XYLT1: variants seen among roughly 807,000 people sequenced by gnomAD.
The protein encoded by XYLT1 is beta-D-xylosyltransferase 1.
In XYLT1, 36 loss-of-function variants were observed where a neutral mutation model predicts 91.3. That is an observed-to-expected ratio of 0.39 (90% CI 0.30 to 0.52). The LOEUF (loss-of-function observed/expected upper bound fraction) is 0.52, where lower values mean the gene tolerates loss of function less well. Among genes scored for constraint, XYLT1 ranks in the 20% least tolerant of loss-of-function variants. The pLI, the probability that XYLT1 is intolerant of heterozygous loss-of-function variation, is 0.68. For synonymous variants in XYLT1, 588 were observed against 532.0 expected, an observed-to-expected ratio of 1.11 and a Z score of -1.45; for missense variants, 1,242 against 1,284.5, an observed-to-expected ratio of 0.97 and a Z score of 0.51.
intron 1 of XYLT1, among the ~76,000 whole-genome samples, chr16:17,380,364 C>T (rs545469606): frequency 6.6e-6 from 1 of 152,126 alleles, no homozygotes; most frequent in African/African-American, 2.4e-5. Flanking sequence ...GCAGACGAAG[C>T]AGTTGACTCT....
chr16:17,253,822 T>C (rs899006574), intron 3 of XYLT1, among the ~76,000 whole-genome samples: 5 of 100,664 alleles, frequency 5.0e-5, no homozygotes. Context: ...CCCTTGCAAC[T>C]TGAGAGAGAG....
chr16:17,186,816 C>A (rs555498028), intron 5 of XYLT1, among the ~76,000 whole-genome samples: 2 of 152,220 alleles, frequency 1.3e-5, no homozygotes, highest in East Asian at 1.9e-4. Flanking sequence ...TCCTGGGAGA[C>A]CTTGGAGTCC....
chr16:17,254,497 C>T (rs1483078968), intron 3 of XYLT1, among the ~76,000 whole-genome samples: 1 of 152,152 alleles, frequency 6.6e-6, no homozygotes, highest in Non-Finnish European at 1.5e-5. Context: ...CAAGCTTAAG[C>T]GATTCTCCTG....
intron 6 of XYLT1, among the ~76,000 whole-genome samples, chr16:17,157,972 C>T (rs1026867545): frequency 2.4e-4 from 36 of 152,186 alleles, no homozygotes; most frequent in African/African-American, 8.7e-4. Flanking sequence ...TGGTCTCAAA[C>T]TCCTGACCTC....
At chr16:17,379,763 T>TTTCTCACACACACACA (rs1555501170) in intron 1 of XYLT1, among the ~76,000 whole-genome samples, 5 of 125,622 alleles carry the variant, frequency 4.0e-5, no homozygotes, top group African/African-American at 1.6e-4. Context: ...TCTCTCTCTC[T>TTTCTCACACACACACA]CACACACACA....
At chr16:17,329,743 T>C (rs900897649) in intron 2 of XYLT1, among the ~76,000 whole-genome samples, 3 of 149,428 alleles carry the variant, frequency 2.0e-5, no homozygotes, top group African/African-American at 4.9e-5. Flanking sequence ...ACATGCCCAC[T>C]TGGAAATCTA....
chr16:17,145,271 G>C (rs2031101565), intron 6 of XYLT1, among the ~76,000 whole-genome samples: 1 of 152,122 alleles, frequency 6.6e-6, no homozygotes, highest in South Asian at 2.1e-4. Context: ...CTTTACTTTG[G>C]ACTCATCCTT....
At chr16:17,294,596 C>T (rs910457852) in intron 2 of XYLT1, among the ~76,000 whole-genome samples, 6 of 152,000 alleles carry the variant, frequency 3.9e-5, no homozygotes, top group East Asian at 1.9e-4. Context: ...CCAGGAGAAT[C>T]GCAGCCACCC....
At chr16:17,288,851 C>T (rs1036739408) in intron 2 of XYLT1, among the ~76,000 whole-genome samples, 1 of 152,100 alleles carries the variant, frequency 6.6e-6, no homozygotes, top group Non-Finnish European at 1.5e-5. Flanking sequence ...ATCTAGCTCA[C>T]CCAAAGACTC....
chr16:17,241,471 TCCAGGTCACCTTG>T (rs1034987459), intron 3 of XYLT1, among the ~76,000 whole-genome samples: 14 of 152,248 alleles, frequency 9.2e-5, no homozygotes, highest in Admixed American at 6.5e-4. Flanking sequence ...TCGCTGGGCC[TCCAGGTCACCTTG>T]CCAGGGCCCT....
At chr16:17,176,299 C>T (rs1294746223) in intron 5 of XYLT1, among the ~76,000 whole-genome samples, 1 of 152,248 alleles carries the variant, frequency 6.6e-6, no homozygotes, top group African/African-American at 2.4e-5. Flanking sequence ...GTCACCATCA[C>T]TATCATCGTT....
chr16:17,258,972 C>G lies in XYLT1; in HGVS notation c.913+16G>C, dbSNP rs540575525. On this transcript the variant is annotated intron_variant, in intron 3 of 11. Coordinates refer to ENST00000261381, the MANE Select transcript of XYLT1 (RefSeq NM_022166.4). ...GCCAGGAGATCCCTCTCTGAGCCAG[C>G]GGGGTTGGAACTTACCCTCGAGGGG... The G allele has an allele frequency of 3.4e-5, 50 of 1,487,086 alleles. No homozygotes were observed. The South Asian group carries it at 6.9e-4, about 21-fold the overall frequency. The allele number at this position is 1,487,086 out of a possible 1,614,324, so 92.1% of individuals were successfully genotyped here.
At chr16:17,201,306 T>G (rs930616377) in intron 3 of XYLT1, among the ~76,000 whole-genome samples, 2 of 152,140 alleles carry the variant, frequency 1.3e-5, no homozygotes, top group Admixed American at 1.3e-4. Context: ...AGACCTAACT[T>G]CATCATCAAT....
rs74326444 is a variant in XYLT1, at chr16:17,108,753, A to T, written c.2822T>A (p.Phe941Tyr). 1.9e-6 allele frequency: 3 copies of T among 1,606,796 alleles called. No homozygotes were observed. The East Asian group carries it at 6.7e-5, about 36-fold the overall frequency. ...CAGCTCCGACTTGGGGTCAGGGCTG[A>T]AGGAGCTCCAGGCCGTCTGGCTGCA... The part of the protein sequence containing the change: ...QTCSQTAWSS[F>Y]SPDPKSELGA... The change falls in exon 12 of 12, where the codon TTC (phenylalanine) becomes TAC (tyrosine). Residue 941 changes from phenylalanine (F) to tyrosine (Y), a missense_variant. Physicochemically the swap from Phe to Tyr is conservative, Grantham distance 22. This residue lies in a region of XYLT1 where 511 missense variants were observed against 497.0 expected (regional missense o/e 1.03). Transcript: ENST00000261381.
chr16:17,102,602 C>T lies in XYLT1; in HGVS notation c.*6093G>A, dbSNP rs1454478853. ...GTAATGCAGTCATTTCTGAGACTCA[C>T]ATTCTACCTCAAGGAAAAGCATTCA... On this transcript the variant is annotated 3_prime_UTR_variant, in exon 12 of 12. Coordinates refer to ENST00000261381, the MANE Select transcript of XYLT1 (RefSeq NM_022166.4). 1 of 152,508 alleles carries T rather than the reference C, an allele frequency of 6.6e-6. No homozygotes were observed. Among genetic ancestry groups the T allele is most frequent in the East Asian group, 1.9e-4 (1 of 5,206 alleles). 9.4% of individuals were successfully genotyped at this position (152,508 alleles called of 1,614,324 possible).
chr16:17,268,346 G>C (rs2033836699), intron 2 of XYLT1, among the ~76,000 whole-genome samples: 1 of 152,092 alleles, frequency 6.6e-6, no homozygotes, highest in Non-Finnish European at 1.5e-5. Flanking sequence ...CTGTTTTTAA[G>C]TGAATTAATA....
chr16:17,186,221 A>G (rs930863782), intron 5 of XYLT1, among the ~76,000 whole-genome samples: 20 of 152,066 alleles, frequency 1.3e-4, no homozygotes, highest in African/African-American at 4.6e-4. Flanking sequence ...CTCCTGCCTC[A>G]GCCTCCCGAG....
At chr16:17,133,098 C>G (rs748159079) in intron 9 of XYLT1, among the ~76,000 whole-genome samples, 5 of 152,136 alleles carry the variant, frequency 3.3e-5, no homozygotes, top group African/African-American at 4.8e-5. Flanking sequence ...GGGTTCCTAA[C>G]CCACACTAGT....
chr16:17,450,563 A>G (rs564126171), intron 1 of XYLT1, among the ~76,000 whole-genome samples: 187 of 152,304 alleles, frequency 1.2e-3, no homozygotes, highest in African/African-American at 4.2e-3. Context: ...AAGAGACCTA[A>G]AAGTTCAGAG....
Sources: gnomAD v4.1 joint callset for allele counts (sites outside exome capture counted in the v4.1 genomes callset) on GRCh38, gnomAD v4.1.1 for gene constraint, gnomAD v4.1.1 regional missense constraint, MANE v1.5 for transcripts, NCBI Gene and HGNC (gene_info 2026-07-23, HGNC 2026-07-21) for gene names.